Variants in PPP2R2B observed in about 807,000 individuals in gnomAD.
The protein encoded by PPP2R2B is protein phosphatase 2 regulatory subunit Bbeta.
A neutral mutation model predicts 46.0 loss-of-function variants in PPP2R2B; 5 were observed. That is an observed-to-expected ratio of 0.11 (90% confidence interval 0.06 to 0.23). The LOEUF is 0.23. Ranked by LOEUF, PPP2R2B falls within the 10% of genes least tolerant of loss-of-function variation. The pLI is 1.00. For missense variants in PPP2R2B, 367 were observed against 575.0 expected (o/e 0.64, Z 3.70); for synonymous variants, 215 against 206.7 (o/e 1.04, Z -0.34).
chr5:146,891,986 G>A (rs1762504643), intron 1 of PPP2R2B, among the ~76,000 whole-genome samples: 1 of 152,178 alleles, frequency 6.6e-6, no homozygotes, highest in African/African-American at 2.4e-5. Context: ...CTTGAAGGAT[G>A]GGAAGACTCA....
At chr5:146,818,431 G>C (rs555835709) in intron 2 of PPP2R2B, among the ~76,000 whole-genome samples, 13 of 151,622 alleles carry the variant, frequency 8.6e-5, no homozygotes, top group African/African-American at 2.9e-4. Context: ...GTGGTTGATG[G>C]GCATTTTCTC....
chr5:146,735,643 G>C (rs1362191602), intron 2 of PPP2R2B, among the ~76,000 whole-genome samples: 1 of 152,154 alleles, frequency 6.6e-6, no homozygotes, highest in Non-Finnish European at 1.5e-5. Context: ...ATAAAACCAT[G>C]GACGTTGCTG....
chr5:146,745,160 CAGAGAGAGAGAG>C (rs747573157), intron 2 of PPP2R2B, among the ~76,000 whole-genome samples: 366 of 95,034 alleles, frequency 3.9e-3, no homozygotes, highest in African/African-American at 0.013. Flanking sequence ...CAGAGAAAGA[CAGAGAGAGAGAG>C]AGAGAGAGAG....
intron 2 of PPP2R2B, among the ~76,000 whole-genome samples, chr5:146,827,284 G>A (rs1229964966): frequency 6.6e-6 from 1 of 152,186 alleles, no homozygotes; most frequent in Non-Finnish European, 1.5e-5. Context: ...TATTTCAGAT[G>A]AGAATCACTT....
intron 7 of PPP2R2B, among the ~76,000 whole-genome samples, chr5:146,600,774 A>C (rs1279198686): frequency 6.6e-6 from 1 of 152,172 alleles, no homozygotes. Context: ...CAAAATCTGG[A>C]GTCATGTTAA....
chr5:146,926,892 G>A (rs1378805055), intron 1 of PPP2R2B, among the ~76,000 whole-genome samples: 5 of 152,106 alleles, frequency 3.3e-5, no homozygotes, highest in African/African-American at 1.2e-4. Context: ...GCAACTTCAG[G>A]CTGATGGAGC....
chr5:146,845,927 C>A (rs1163532903), intron 2 of PPP2R2B, among the ~76,000 whole-genome samples: 1 of 152,128 alleles, frequency 6.6e-6, no homozygotes, highest in South Asian at 2.1e-4. Flanking sequence ...CACTATTGCT[C>A]ACTTGAAATG....
intron 1 of PPP2R2B, among the ~76,000 whole-genome samples, chr5:146,891,325 G>T (rs920450362): frequency 6.6e-6 from 1 of 152,168 alleles, no homozygotes. Flanking sequence ...GGAATGAAAT[G>T]CCTAAAGCAA....
intron 2 of PPP2R2B, among the ~76,000 whole-genome samples, chr5:146,844,344 A>C (rs1232470807): frequency 2.2e-5 from 3 of 139,032 alleles, no homozygotes; most frequent in Non-Finnish European, 4.5e-5. Flanking sequence ...CCTAAAACTT[A>C]GAGTATAATA....
chr5:146,945,610 G>T (rs1764455124), intron 1 of PPP2R2B, among the ~76,000 whole-genome samples: 1 of 152,160 alleles, frequency 6.6e-6, no homozygotes, highest in Admixed American at 6.6e-5. Flanking sequence ...TTTAAGGGCT[G>T]TGTGCCCAGG....
intron 1 of PPP2R2B, among the ~76,000 whole-genome samples, chr5:147,007,419 T>TA (rs1754494701): frequency 6.6e-6 from 1 of 152,034 alleles, no homozygotes; most frequent in Non-Finnish European, 1.5e-5. Context: ...TGTGTCTAGC[T>TA]AAAGGTTTGT....
At chr5:147,003,768 C>T (rs930961355) in intron 1 of PPP2R2B, among the ~76,000 whole-genome samples, 3 of 152,016 alleles carry the variant, frequency 2.0e-5, no homozygotes, top group Non-Finnish European at 4.4e-5. Context: ...TAGGAAAAAG[C>T]CCATGAATTA....
intron 1 of PPP2R2B, among the ~76,000 whole-genome samples, chr5:147,003,678 C>A (rs1754294751): frequency 6.6e-6 from 1 of 152,138 alleles, no homozygotes; most frequent in Non-Finnish European, 1.5e-5. Context: ...TATGGATCCC[C>A]ACTGGGACCT....
chr5:146,719,365 CAG>C (rs1780662924), intron 2 of PPP2R2B, among the ~76,000 whole-genome samples: 1 of 152,212 alleles, frequency 6.6e-6, no homozygotes, highest in Admixed American at 6.5e-5. Flanking sequence ...GAATGGTTAA[CAG>C]AATGACTTTA....
At chr5:146,706,622 G>A (rs1212751149) in intron 2 of PPP2R2B, 14 of 808,904 alleles carry the variant, frequency 1.7e-5, no homozygotes, top group Non-Finnish European at 2.8e-5. Context: ...CCGCATCTGC[G>A]ATGCCGGCCT....
At position 146,878,727 on chromosome 5, in the gene PPP2R2B, AGCTGCTGCTGCT is replaced by A. The variant is rs10591869; in HGVS notation, c.-273_-262del. The A allele has an allele frequency of 1.5e-4, 199 of 1,297,600 alleles. 1 individual carries two copies. The highest frequency in any genetic ancestry group is 9.2e-4 in the African/African-American group (59 of 64,474). 80.4% of individuals were successfully genotyped at this position (1,297,600 alleles called of 1,614,324 possible). On this transcript the variant is annotated 5_prime_UTR_variant, in exon 1 of 10. Coordinates refer to ENST00000394411, the MANE Select transcript of PPP2R2B (RefSeq NM_181675.4). This position sits in a 1 kb window ranked among gnomAD's most constrained non-coding sequence, Gnocchi z 4.5. ...CTCACACCCACACGCGCGCACTCGC[AGCTGCTGCTGCT>A]GCTGCTGCTGCTGCTGCTGCAGGAG...
chr5:147,038,915 A>G (rs1384349859), intron 1 of PPP2R2B, among the ~76,000 whole-genome samples: 1 of 152,214 alleles, frequency 6.6e-6, no homozygotes, highest in African/African-American at 2.4e-5. Flanking sequence ...TGCTTCTTTA[A>G]AAAGTATAAT....
At chr5:146,831,498 C>CAAAAAAAAACAAAAAAAAAA (rs1758935894) in intron 2 of PPP2R2B, among the ~76,000 whole-genome samples, 1 of 54,920 alleles carries the variant, frequency 1.8e-5, no homozygotes, top group African/African-American at 8.0e-5. Flanking sequence ...CTCCATCTCT[C>CAAAAAAAAACAAAAAAAAAA]AAAAAAAAAA....
At chr5:146,703,805 G>C (rs1030089935) in intron 2 of PPP2R2B, among the ~76,000 whole-genome samples, 1 of 152,146 alleles carries the variant, frequency 6.6e-6, no homozygotes. Flanking sequence ...ATGGTCCCAG[G>C]TAATACAAAT....
Sources: gnomAD v4.1 joint callset for allele counts (sites outside exome capture counted in the v4.1 genomes callset) on GRCh38, gnomAD v4.1.1 for gene constraint, Gnocchi (gnomAD v3.1) non-coding constraint, MANE v1.5 for transcripts, NCBI Gene and HGNC (gene_info 2026-07-23, HGNC 2026-07-21) for gene names.